Variants in DLGAP2 observed in about 807,000 individuals in gnomAD.
The protein encoded by DLGAP2 is disks large-associated protein 2.
Under a neutral mutation model 100.3 loss-of-function variants are expected in DLGAP2, and 26 were observed. The ratio of observed to expected loss-of-function variants is 0.26; its 90% CI spans 0.19 to 0.36. The LOEUF is 0.36. Among genes scored for constraint, DLGAP2 ranks in the 10% least tolerant of loss-of-function variants. The pLI, the probability that DLGAP2 is intolerant of heterozygous loss-of-function variation, is 1.00. For synonymous variants in DLGAP2, 886 were observed against 630.1 expected, an observed-to-expected ratio of 1.41 and a Z score of -6.08; for missense variants, 1,858 against 1,453.2, an observed-to-expected ratio of 1.28 and a Z score of -4.53.
chr8:1,123,417 A>T (rs952017315), intron 2 of DLGAP2, among the ~76,000 whole-genome samples: 37 of 152,216 alleles, frequency 2.4e-4, no homozygotes, highest in African/African-American at 8.9e-4. Flanking sequence ...AGACACCAGG[A>T]CCTAGTGAGT....
chr8:1,568,650 C>T (rs1209402781), intron 6 of DLGAP2, among the ~76,000 whole-genome samples: 2 of 139,318 alleles, frequency 1.4e-5, no homozygotes, highest in Admixed American at 7.0e-5. Flanking sequence ...GCCCGTGGCC[C>T]CCATGCCACT....
intron 1 of DLGAP2, among the ~76,000 whole-genome samples, chr8:834,854 C>A (rs918414079): frequency 1.3e-5 from 2 of 152,138 alleles, no homozygotes; most frequent in Non-Finnish European, 2.9e-5. Flanking sequence ...TGTGAACCTA[C>A]AATAAAGGTT....
At chr8:1,650,621 C>A (rs7005742) in intron 8 of DLGAP2, among the ~76,000 whole-genome samples, 18,336 of 152,256 alleles carry the variant, frequency 0.12, 1,514 homozygotes, top group African/African-American at 0.24. Flanking sequence ...TTCAAAAGAT[C>A]CTCAGAATCT....
chr8:1,218,542 T>G (rs1798256760), intron 2 of DLGAP2, among the ~76,000 whole-genome samples: 2 of 152,186 alleles, frequency 1.3e-5, no homozygotes. Context: ...TGTAGTTTTA[T>G]AGTATAGTTT....
intron 2 of DLGAP2, among the ~76,000 whole-genome samples, chr8:963,131 C>T (rs1325120369): frequency 1.3e-5 from 2 of 152,144 alleles, no homozygotes; most frequent in Admixed American, 6.5e-5. Context: ...GGTCACCCCT[C>T]GGAGCTTCTT....
intron 2 of DLGAP2, among the ~76,000 whole-genome samples, chr8:1,247,284 T>G (rs1798931548): frequency 8.6e-6 from 1 of 116,726 alleles, no homozygotes; most frequent in Admixed American, 8.6e-5. Context: ...ATGGTCCACA[T>G]CGGTGGCTGG....
chr8:1,124,118 C>T (rs765461257), intron 2 of DLGAP2, among the ~76,000 whole-genome samples: 5 of 152,178 alleles, frequency 3.3e-5, no homozygotes, highest in Admixed American at 1.3e-4. Flanking sequence ...CAGAGTTTAA[C>T]GCCAATAAAA....
intron 3 of DLGAP2, among the ~76,000 whole-genome samples, chr8:1,493,856 CA>C (rs1287496321): frequency 1.3e-5 from 2 of 152,222 alleles, no homozygotes; most frequent in Non-Finnish European, 2.9e-5. Context: ...TCTTCCTAGG[CA>C]GTGCTGACAG....
At chr8:1,612,558 AAG>A (rs1304433900) in intron 6 of DLGAP2, among the ~76,000 whole-genome samples, 8 of 90,562 alleles carry the variant, frequency 8.8e-5, no homozygotes, top group African/African-American at 3.5e-4. Flanking sequence ...AATTAAACTA[AAG>A]AGCTTCTGAA....
chr8:911,356 AG>A (rs1798481124), intron 2 of DLGAP2, among the ~76,000 whole-genome samples: 1 of 151,952 alleles, frequency 6.6e-6, no homozygotes, highest in Middle Eastern at 3.4e-3. Flanking sequence ...GTACATTGGG[AG>A]GATATGTGTA....
chr8:1,209,554 C>A (rs79302005), intron 2 of DLGAP2, among the ~76,000 whole-genome samples: 23,121 of 152,118 alleles, frequency 0.15, 2,059 homozygotes, highest in Admixed American at 0.21. Flanking sequence ...CTATACTACT[C>A]TAATAAATTC....
intron 3 of DLGAP2, among the ~76,000 whole-genome samples, chr8:1,262,214 G>A (rs892141004): frequency 6.6e-6 from 1 of 152,128 alleles, no homozygotes; most frequent in South Asian, 2.1e-4. Flanking sequence ...CTACAGTTGG[G>A]GAATCTCTAC....
chr8:1,193,422 A>C (rs1348552660), intron 2 of DLGAP2, among the ~76,000 whole-genome samples: 1 of 152,164 alleles, frequency 6.6e-6, no homozygotes, highest in Non-Finnish European at 1.5e-5. Context: ...TCTGATGGCC[A>C]GTGATGATGA....
chr8:1,660,932 C>T (rs924160556), intron 8 of DLGAP2, among the ~76,000 whole-genome samples: 11 of 152,280 alleles, frequency 7.2e-5, no homozygotes, highest in African/African-American at 2.4e-4. Flanking sequence ...ACCGTGATTC[C>T]GTAGCTAATA....
chr8:1,683,884 G>GTATACACATATA (rs1423159250), intron 12 of DLGAP2, among the ~76,000 whole-genome samples: 1 of 108,348 alleles, frequency 9.2e-6, no homozygotes, highest in African/African-American at 3.9e-5. Context: ...GTGTGTGTGT[G>GTATACACATATA]TGTGTGTGTG....
chr8:1,106,138 A>G (rs1305404565), intron 2 of DLGAP2, among the ~76,000 whole-genome samples: 58 of 77,218 alleles, frequency 7.5e-4, no homozygotes, highest in South Asian at 1.3e-3. Flanking sequence ...TATTGAGGGG[A>G]GCCATTCTAG....
chr8:1,150,283 A>C lies in DLGAP2; in HGVS notation c.74-108568A>C, dbSNP rs192984291. On this transcript the variant is annotated intron_variant, in intron 2 of 14. Transcript: ENST00000637795. Reference sequence around the variant, plus strand: ...TGGCAGTTATCTGTTTCAGCCTTTTAAAGCTGTCATTACACTGTCTTCTGC... The same window carrying C: ...TGGCAGTTATCTGTTTCAGCCTTTTCAAGCTGTCATTACACTGTCTTCTGC... Among the ~76,000 whole-genome samples the C allele has an allele frequency of 6.6e-5, 10 of 152,326 alleles. No individual in the cohort carries two copies. In the East Asian group the frequency reaches 1.5e-3, roughly 23 times the overall value.
intron 3 of DLGAP2, among the ~76,000 whole-genome samples, chr8:1,477,799 G>GAA (rs11394185): frequency 0.031 from 4,597 of 148,306 alleles, 255 homozygotes; most frequent in African/African-American, 0.11. Flanking sequence ...AGGTGAGAAA[G>GAA]AAAAAAAAAA....
At chr8:756,596 A>G (rs976750773) in intron 1 of DLGAP2, among the ~76,000 whole-genome samples, 6 of 152,002 alleles carry the variant, frequency 3.9e-5, no homozygotes, top group Non-Finnish European at 8.8e-5. Flanking sequence ...TCATACTGGG[A>G]TCTCAGGACA....
Sources: allele counts gnomAD v4.1 joint callset (sites outside exome capture counted in the v4.1 genomes callset), GRCh38; gene constraint gnomAD v4.1.1; transcripts MANE v1.5; gene names NCBI Gene and HGNC (gene_info 2026-07-23, HGNC 2026-07-21).